The following IMMP2L variants were observed in gnomAD, a reference collection of about 807,000 sequenced individuals.
IMMP2L encodes mitochondrial inner membrane protease subunit 2.
Under a neutral mutation model 19.3 loss-of-function variants are expected in IMMP2L, and 18 were observed. That is an observed-to-expected ratio of 0.93 (90% CI 0.64 to 1.38). The LOEUF is 1.38. Ranked by LOEUF, IMMP2L falls within the 40% of genes most tolerant of loss-of-function variation. IMMP2L has a pLI of 0.00. For synonymous variants in IMMP2L, 76 were observed against 73.0 expected (o/e 1.04, Z -0.21); for missense variants, 233 against 218.2 (o/e 1.07, Z -0.43).
At chr7:111,047,186 GTTTTTTTTTT>G (rs1792488947) in intron 3 of IMMP2L, among the ~76,000 whole-genome samples, 2 of 149,978 alleles carry the variant, frequency 1.3e-5, no homozygotes, top group African/African-American at 4.9e-5. Flanking sequence ...TTTTTTTTTT[GTTTTTTTTTT>G]GTTTTTTTTG....
At chr7:110,907,951 C>T (rs746887044) in intron 4 of IMMP2L, among the ~76,000 whole-genome samples, 22 of 151,994 alleles carry the variant, frequency 1.4e-4, no homozygotes, top group South Asian at 4.2e-4. Context: ...CTTACTCATG[C>T]GACACAACGG....
chr7:110,793,410 ACT>A (rs1332697895), intron 5 of IMMP2L, among the ~76,000 whole-genome samples: 1 of 140,320 alleles, frequency 7.1e-6, no homozygotes, highest in Non-Finnish European at 1.6e-5. Flanking sequence ...ACAGAGCAAG[ACT>A]CTGTCTCAAA....
intron 2 of IMMP2L, among the ~76,000 whole-genome samples, chr7:111,501,627 A>C (rs1302725275): frequency 6.6e-6 from 1 of 152,188 alleles, no homozygotes; most frequent in Non-Finnish European, 1.5e-5. Flanking sequence ...CGGATCTCTC[A>C]GCAGAAACTC....
intron 5 of IMMP2L, among the ~76,000 whole-genome samples, chr7:110,679,170 C>T (rs1792521714): frequency 6.6e-6 from 1 of 152,022 alleles, no homozygotes; most frequent in African/African-American, 2.4e-5. Flanking sequence ...ACAAAACAGG[C>T]CTCCGGGGGT....
intron 3 of IMMP2L, among the ~76,000 whole-genome samples, chr7:111,333,533 T>C (rs1265377187): frequency 1.3e-5 from 2 of 152,044 alleles, no homozygotes; most frequent in African/African-American, 4.8e-5. Flanking sequence ...ATGGTAAATA[T>C]TGAGTGGATT....
chr7:111,509,593 CA>C (rs1354702632), intron 2 of IMMP2L, among the ~76,000 whole-genome samples: 7 of 152,098 alleles, frequency 4.6e-5, no homozygotes, highest in Admixed American at 3.9e-4. Flanking sequence ...CAGAAAATAT[CA>C]GAGGGCATTG....
At chr7:110,971,483 A>G (rs1820138487) in intron 3 of IMMP2L, among the ~76,000 whole-genome samples, 1 of 152,086 alleles carries the variant, frequency 6.6e-6, no homozygotes, top group African/African-American at 2.4e-5. Context: ...CATCCCATGG[A>G]TGCCAGCAAG....
intron 5 of IMMP2L, among the ~76,000 whole-genome samples, chr7:110,673,683 C>T (rs1397286604): frequency 6.6e-6 from 1 of 152,202 alleles, no homozygotes; most frequent in Non-Finnish European, 1.5e-5. Flanking sequence ...CCACCAGTCT[C>T]TTTGCTAAAG....
intron 3 of IMMP2L, among the ~76,000 whole-genome samples, chr7:111,000,970 A>C (rs1823614416): frequency 6.6e-6 from 1 of 152,218 alleles, no homozygotes; most frequent in African/African-American, 2.4e-5. Flanking sequence ...AGAGCTAGAA[A>C]AGCCAAAGTT....
At chr7:111,066,603 G>A (rs1277942120) in intron 3 of IMMP2L, among the ~76,000 whole-genome samples, 1 of 152,092 alleles carries the variant, frequency 6.6e-6, no homozygotes, top group Admixed American at 6.5e-5. Flanking sequence ...CAAAGGCAAT[G>A]GCCAAATAGC....
chr7:111,384,891 TA>T (rs1342223776), intron 3 of IMMP2L, among the ~76,000 whole-genome samples: 26 of 152,178 alleles, frequency 1.7e-4, no homozygotes, highest in African/African-American at 6.0e-4. Context: ...ACTTGATTAA[TA>T]ATGACAAAAC....
At chr7:111,256,733 G>T (rs1329210776) in intron 3 of IMMP2L, among the ~76,000 whole-genome samples, 2 of 152,084 alleles carry the variant, frequency 1.3e-5, no homozygotes, top group East Asian at 3.9e-4. Flanking sequence ...AATCAAGGTG[G>T]CTCTTCAATA....
chr7:111,377,410 G>C (rs556303304), intron 3 of IMMP2L, among the ~76,000 whole-genome samples: 1 of 151,594 alleles, frequency 6.6e-6, no homozygotes, highest in Non-Finnish European at 1.5e-5. Context: ...TCCCTCTATA[G>C]TACAGCTCTA....
chr7:110,761,049 G>T (rs1416060961), intron 5 of IMMP2L, among the ~76,000 whole-genome samples: 1 of 152,170 alleles, frequency 6.6e-6, no homozygotes, highest in Non-Finnish European at 1.5e-5. Flanking sequence ...AGAGCTGTTG[G>T]TGTATCAGAG....
At chr7:110,798,042 C>A (rs1024820720) in intron 5 of IMMP2L, among the ~76,000 whole-genome samples, 1 of 151,796 alleles carries the variant, frequency 6.6e-6, no homozygotes, top group Admixed American at 6.6e-5. Flanking sequence ...AGAAAAGGTA[C>A]GAGATGTGCA....
chr7:111,382,354 GA>G (rs200219658), intron 3 of IMMP2L, among the ~76,000 whole-genome samples: 2 of 150,798 alleles, frequency 1.3e-5, no homozygotes, highest in Non-Finnish European at 2.9e-5. Context: ...CACAATGCCA[GA>G]AAAAAAATCA....
At chr7:111,102,203 A>G (rs1469952904) in intron 3 of IMMP2L, among the ~76,000 whole-genome samples, 1 of 151,588 alleles carries the variant, frequency 6.6e-6, no homozygotes, top group Non-Finnish European at 1.5e-5. Flanking sequence ...CAGGTGATTC[A>G]ATCCTTACCC....
intron 3 of IMMP2L, among the ~76,000 whole-genome samples, chr7:111,263,254 G>T (rs2129878266): frequency 6.6e-6 from 1 of 152,236 alleles, no homozygotes. Flanking sequence ...GGTTAAAGAT[G>T]TTGGTGGCTG....
chr7:110,954,065 A>G (rs1360813487), intron 4 of IMMP2L, among the ~76,000 whole-genome samples: 1 of 152,158 alleles, frequency 6.6e-6, no homozygotes, highest in East Asian at 1.9e-4. Context: ...TATACCAGAC[A>G]TATGTCTGGA....
Sources: allele counts gnomAD v4.1 joint callset (sites outside exome capture counted in the v4.1 genomes callset), GRCh38; gene constraint gnomAD v4.1.1; transcripts MANE v1.5; gene names NCBI Gene and HGNC (gene_info 2026-07-23, HGNC 2026-07-21).